Variants in ABCD2 observed in about 807,000 individuals in gnomAD.
The protein encoded by ABCD2 is ATP-binding cassette sub-family D member 2.
In ABCD2, 36 loss-of-function variants were observed where a neutral mutation model predicts 70.9. That is an observed-to-expected ratio of 0.51 (90% confidence interval 0.39 to 0.67). The LOEUF (loss-of-function observed/expected upper bound fraction) is 0.67. ABCD2 is among the 30% of genes least tolerant of loss of function. The probability of loss-of-function intolerance (pLI) is 0.00; values close to 1 mark genes in which losing one functional copy is unlikely to be tolerated. For missense variants in ABCD2, 729 were observed against 890.2 expected, an observed-to-expected ratio of 0.82 and a Z score of 2.30; for synonymous variants, 304 against 306.9, an observed-to-expected ratio of 0.99 and a Z score of 0.10.
At chr12:39,549,566 C>T (rs1941060161), downstream of ABCD2, among the ~76,000 whole-genome samples, 2 of 151,730 alleles carry the variant, frequency 1.3e-5, no homozygotes, top group South Asian at 4.1e-4. Context: ...TTCTCCCTCT[C>T]CCATAGGACC....
rs138030520 is a variant in ABCD2 at position 39,591,307 on chromosome 12, G to T, written c.1647-5010C>A. Among the ~76,000 whole-genome samples, 361 of 152,166 alleles carry T rather than the reference G, an allele frequency of 2.4e-3. 3 individuals carry two copies. Among genetic ancestry groups the T allele is most frequent in the African/African-American group, 8.5e-3 (352 of 41,516 alleles). ...AAGAAGAAATATTCAAGTGAAAATA[G>T]ATATTTACTATTACTGAAATTATAT... On this transcript the variant is annotated intron_variant, in intron 6 of 9. Transcript: ENST00000308666.
chr12:39,615,409 C>T (rs1942102446), intron 2 of ABCD2, among the ~76,000 whole-genome samples: 1 of 151,910 alleles, frequency 6.6e-6, no homozygotes, highest in Non-Finnish European at 1.5e-5. Context: ...TAAAGTGTCA[C>T]TCTCGCTAAT....
Position 39,553,802 on chromosome 12 carries a change from G to A in ABCD2, c.*110C>T, listed in dbSNP as rs1459513964. The A allele has an allele frequency of 3.9e-6, 3 of 777,860 alleles. No homozygotes were observed. The highest frequency in any genetic ancestry group is 6.0e-6 in the Non-Finnish European group (3 of 500,720). The allele number at this position is 777,860 out of a possible 1,614,324, so 48.2% of individuals were successfully genotyped here. A position where few individuals can be genotyped will look rare whatever the true frequency, so the allele number is the denominator to read the frequency against. ...TTAATGCTAAAATCTTATAAAACAT[G>A]TCTTGCTGCCTTTTTTTCTCTGTGC... On this transcript the variant is annotated 3_prime_UTR_variant, in exon 10 of 10. Transcript: ENST00000308666.
chr12:39,557,305 T>C (rs1403286679), intron 9 of ABCD2, among the ~76,000 whole-genome samples: 1 of 152,142 alleles, frequency 6.6e-6, no homozygotes, highest in Non-Finnish European at 1.5e-5. Flanking sequence ...AGAGATGATT[T>C]AGGCAGAAGA....
At chr12:39,538,284 C>T in the ABCD2 span, among the ~76,000 whole-genome samples, 1 of 151,072 alleles carries the variant, frequency 6.6e-6, no homozygotes, top group South Asian at 2.1e-4. Context: ...ATTCTCCTGT[C>T]TCAGCCTCCC....
intron 3 of ABCD2, among the ~76,000 whole-genome samples, chr12:39,605,897 T>C (rs886702594): frequency 3.3e-5 from 5 of 152,166 alleles, no homozygotes; most frequent in Non-Finnish European, 7.4e-5. Flanking sequence ...TAAATGAGTA[T>C]GTATTATTAT....
the ABCD2 span, among the ~76,000 whole-genome samples, chr12:39,535,961 G>T: frequency 1.3e-5 from 2 of 152,146 alleles, no homozygotes; most frequent in African/African-American, 4.8e-5. Context: ...TGGCCAGCAT[G>T]GTGAAAACTG....
intron 9 of ABCD2, among the ~76,000 whole-genome samples, chr12:39,571,245 G>T (rs1941444420): frequency 3.3e-5 from 5 of 152,108 alleles, no homozygotes; most frequent in African/African-American, 4.8e-5. Context: ...AATGATCTCA[G>T]TATGTCAAAG....
chr12:39,580,325 C>T (rs1237323803), intron 7 of ABCD2, among the ~76,000 whole-genome samples: 2 of 152,116 alleles, frequency 1.3e-5, no homozygotes, highest in African/African-American at 4.8e-5. Flanking sequence ...TTTTTCCATG[C>T]ATGCTATCTC....
At position 39,600,661 on chromosome 12, in the gene ABCD2, G is replaced by C; in HGVS notation, c.1556C>G (p.Ser519Cys). The C allele has an allele frequency of 3.1e-6, 5 of 1,612,450 alleles. No individual in the cohort carries two copies. The highest frequency in any genetic ancestry group is 1.1e-5 in the South Asian group (1 of 90,696). Residue 519 changes from serine to cysteine, a missense_variant, in exon 6 of 10, where the codon TCT becomes TGT. This residue lies in a region of ABCD2 where 289 missense variants were observed against 328.8 expected (regional missense o/e 0.88). Coordinates refer to ENST00000308666, the MANE Select transcript of ABCD2 (RefSeq NM_005164.4). ...GAGCCCACTTAGAATTCTGAAGAGA[G>C]AACTTTTCCCACAACCATTGGGACC... is the stretch of plus-strand genomic sequence containing the variant. ...ITGPNGCGKS[S>C]LFRILSGLWP...
intron 9 of ABCD2, among the ~76,000 whole-genome samples, chr12:39,570,353 A>G (rs1941429605): frequency 6.6e-6 from 1 of 152,216 alleles, no homozygotes; most frequent in African/African-American, 2.4e-5. Flanking sequence ...AAACTGTAGC[A>G]ACCCAAACAG....
At chr12:39,609,933 G>C (rs982276355) in intron 2 of ABCD2, among the ~76,000 whole-genome samples, 1 of 152,156 alleles carries the variant, frequency 6.6e-6, no homozygotes, top group Non-Finnish European at 1.5e-5. Flanking sequence ...AGAGCTTACA[G>C]CTTGGTAGAA....
chr12:39,533,084 G>C, the ABCD2 span, among the ~76,000 whole-genome samples: 1 of 151,968 alleles, frequency 6.6e-6, no homozygotes. Context: ...AGAATCGCTT[G>C]AACCTGGGAA....
chr12:39,586,412 A>G, intron 6 of ABCD2, 115 bp from the exon 7 acceptor site: 1 of 1,037,568 alleles, frequency 9.6e-7, no homozygotes, highest in Non-Finnish European at 1.4e-6. Flanking sequence ...CATTTCCAGG[A>G]TGATATTTGT....
intron 5 of ABCD2, among the ~76,000 whole-genome samples, chr12:39,601,809 A>G (rs1941901079): frequency 6.6e-6 from 1 of 152,192 alleles, no homozygotes; most frequent in Non-Finnish European, 1.5e-5. Flanking sequence ...GGAAGAAGCT[A>G]GAAAAAATTA....
rs776062597 is a variant in ABCD2, at chr12:39,617,098, C to T, written c.1010G>A (p.Arg337His). 4.3e-6 allele frequency: 7 copies of T among 1,612,434 alleles called. No individual in the cohort carries two copies. The highest frequency in any genetic ancestry group is 1.1e-5 in the South Asian group (1 of 90,796). The change falls in exon 2 of 10, where the codon CGT becomes CAT. Residue 337 changes from arginine (R) to histidine (H), a missense_variant. Physicochemically the swap from Arg to His is conservative, Grantham distance 29. Transcript: ENST00000308666. ...ADQMNLILSKRLWYIMIEQFL... is the reference protein window; with the variant it reads ...ADQMNLILSKHLWYIMIEQFL... Reference sequence around the variant, plus strand: ...CTGTTCTATCATGATGTACCACAAACGTTTGGATAAAATGAGGTTCATCTG... The same window carrying T: ...CTGTTCTATCATGATGTACCACAAATGTTTGGATAAAATGAGGTTCATCTG...
intron 8 of ABCD2, among the ~76,000 whole-genome samples, 168 bp downstream of exon 8, chr12:39,579,363 AAAAC>A (rs887894141): frequency 6.6e-5 from 10 of 152,372 alleles, no homozygotes; most frequent in African/African-American, 2.4e-4. Flanking sequence ...CTCTGTCTCA[AAAAC>A]AAACAAACAA....
chr12:39,605,719 C>T (rs886646363), intron 3 of ABCD2, among the ~76,000 whole-genome samples: 32 of 152,078 alleles, frequency 2.1e-4, no homozygotes, highest in African/African-American at 7.0e-4. Flanking sequence ...CTATCAAGAA[C>T]ATGTTTCTCA....
the ABCD2 span, among the ~76,000 whole-genome samples, chr12:39,535,246 C>G: frequency 6.6e-6 from 1 of 152,160 alleles, no homozygotes; most frequent in African/African-American, 2.4e-5. Context: ...GTTGAAAAAA[C>G]TTTAAAAAGC....
Sources: allele counts gnomAD v4.1 joint callset (sites outside exome capture counted in the v4.1 genomes callset), GRCh38; gene constraint gnomAD v4.1.1; regional missense constraint gnomAD v4.1.1; transcripts MANE v1.5; gene names NCBI Gene and HGNC (gene_info 2026-07-23, HGNC 2026-07-21).